Variants in ADAMTSL1 observed in about 807,000 individuals in gnomAD.
ADAMTSL1 encodes the protein ADAMTS like 1.
A neutral mutation model predicts 201.8 loss-of-function variants in ADAMTSL1; 126 were observed. The ratio of observed to expected loss-of-function variants is 0.62; its 90% CI spans 0.54 to 0.72. ADAMTSL1 has a LOEUF of 0.72. Among genes scored for constraint, ADAMTSL1 ranks in the 30% least tolerant of loss-of-function variants. The pLI, the probability that ADAMTSL1 is intolerant of heterozygous loss-of-function variation, is 0.00. For synonymous variants in ADAMTSL1, 1,121 were observed against 903.4 expected, an observed-to-expected ratio of 1.24 and a Z score of -4.32; for missense variants, 2,679 against 2,277.8, an observed-to-expected ratio of 1.18 and a Z score of -3.59.
At chr9:18,819,542 G>A (rs1264957120) in intron 21 of ADAMTSL1, among the ~76,000 whole-genome samples, 1 of 151,992 alleles carries the variant, frequency 6.6e-6, no homozygotes, top group Non-Finnish European at 1.5e-5. Context: ...GAATCTGGTT[G>A]AGGAAGTATT....
Position 18,125,661 on chromosome 9 carries a change from C to A in ADAMTSL1, c.88-38201C>A, listed in dbSNP as rs371246692. Among the ~76,000 whole-genome samples the A allele has an allele frequency of 1.1e-4, 17 of 152,260 alleles. 1 individual carries two copies. The South Asian group carries it at 3.5e-3, about 32-fold the overall frequency. ...CATGTGGACCTCTAGTTGTCCCAAC[C>A]GACTTTGTTGAAGAAACTATTCTTT... is the stretch of plus-strand genomic sequence containing the variant. On this transcript the variant is annotated intron_variant, in intron 1 of 29. Transcript: ENST00000680146.
chr9:18,584,221 C>T (rs1823314774), intron 4 of ADAMTSL1, among the ~76,000 whole-genome samples: 1 of 152,124 alleles, frequency 6.6e-6, no homozygotes, highest in Non-Finnish European at 1.5e-5. Context: ...ATTATGGGTG[C>T]AGGTCTTTCC....
chr9:18,830,730 G>T (rs77262631), intron 23 of ADAMTSL1, among the ~76,000 whole-genome samples: 28 of 151,752 alleles, frequency 1.8e-4, no homozygotes, highest in South Asian at 1.0e-3. Context: ...AAGGCCTGGT[G>T]GGGGGGTGGG....
intron 2 of ADAMTSL1, among the ~76,000 whole-genome samples, chr9:18,348,088 C>G (rs978646355): frequency 2.6e-5 from 4 of 152,188 alleles, no homozygotes; most frequent in Non-Finnish European, 5.9e-5. Flanking sequence ...TTAGTTTAAT[C>G]TCTCGCCAAT....
chr9:18,159,578 C>T (rs926034624), intron 1 of ADAMTSL1, among the ~76,000 whole-genome samples: 5 of 151,970 alleles, frequency 3.3e-5, no homozygotes, highest in African/African-American at 1.2e-4. Flanking sequence ...TTAATGATGG[C>T]AGAGGTTCCA....
At chr9:18,039,712 C>G (rs1415048900) in intron 1 of ADAMTSL1, among the ~76,000 whole-genome samples, 1 of 152,094 alleles carries the variant, frequency 6.6e-6, no homozygotes, top group Non-Finnish European at 1.5e-5. Flanking sequence ...GGCAAAAAAC[C>G]AAGCATGCCT....
At chr9:18,360,195 C>T (rs1487814444) in intron 2 of ADAMTSL1, among the ~76,000 whole-genome samples, 3 of 152,044 alleles carry the variant, frequency 2.0e-5, no homozygotes, top group Non-Finnish European at 4.4e-5. Flanking sequence ...CAAGCAGCTG[C>T]CTCTGTCTCT....
intron 1 of ADAMTSL1, among the ~76,000 whole-genome samples, chr9:17,965,760 C>G (rs1817958372): frequency 1.3e-5 from 2 of 152,074 alleles, no homozygotes; most frequent in South Asian, 4.2e-4. Flanking sequence ...AAGTACCCAT[C>G]CAAGTAAGTG....
intron 26 of ADAMTSL1, among the ~76,000 whole-genome samples, chr9:18,895,207 T>G (rs1478030010): frequency 6.6e-6 from 1 of 152,158 alleles, no homozygotes; most frequent in African/African-American, 2.4e-5. Flanking sequence ...GAATTCCCAG[T>G]GTAGTCAAGG....
intron 1 of ADAMTSL1, among the ~76,000 whole-genome samples, chr9:17,956,932 A>T (rs534656326): frequency 1.3e-5 from 2 of 152,224 alleles, no homozygotes; most frequent in South Asian, 4.1e-4. Flanking sequence ...TTCTTTCCTC[A>T]TTAGCTTGCA....
chr9:18,627,502 G>T (rs1348488908), intron 5 of ADAMTSL1, among the ~76,000 whole-genome samples: 1 of 152,110 alleles, frequency 6.6e-6, no homozygotes, highest in Non-Finnish European at 1.5e-5. Flanking sequence ...GGTTTCACTG[G>T]GCTAAAAACA....
chr9:18,272,027 GTT>G, intron 2 of ADAMTSL1, among the ~76,000 whole-genome samples: 1 of 150,878 alleles, frequency 6.6e-6, no homozygotes, highest in East Asian at 1.9e-4. Flanking sequence ...GGGGTTGTTT[GTT>G]TTTTTCTTGT....
rs1018167614 is a variant in ADAMTSL1 at position 18,826,426 on chromosome 9, T to C, written c.4077T>C (p.His1359=). Reference sequence around the variant, plus strand: ...ACTCCTGCAGGGCGGCCAATCTTCATGGAGAGCTGACTGAGAGCACCCAGC... The same window carrying C: ...ACTCCTGCAGGGCGGCCAATCTTCACGGAGAGCTGACTGAGAGCACCCAGC... The part of the protein sequence containing the change: ...GLYSCRAANL[H]GELTESTQLL... Residue 1359 remains histidine, a synonymous_variant, in exon 22 of 29, where the codon CAT becomes CAC. Coordinates refer to ENST00000380548, the MANE Select transcript of ADAMTSL1 (RefSeq NM_001040272.6). The C allele has an allele frequency of 6.2e-7, 1 of 1,613,822 alleles. No homozygotes were observed. The highest frequency in any genetic ancestry group is 8.5e-7 in the Non-Finnish European group (1 of 1,179,838).
rs796210987 is a variant in ADAMTSL1, at chr9:18,186,913, G to A, written c.207+22932G>A. Among the ~76,000 whole-genome samples the A allele has an allele frequency of 3.3e-5, 5 of 151,972 alleles. No individual in the cohort carries two copies. In the South Asian group the frequency reaches 1.0e-3, roughly 32 times the overall value. ...TATATATTATTGACGATAAGGATGG[G>A]TTTGTCCAGTACCCCATAACTGGTA... On this transcript the variant is annotated intron_variant, in intron 2 of 29. Coordinates refer to the ADAMTSL1 transcript ENST00000680146.
At chr9:18,073,459 T>C (rs1044799431) in intron 1 of ADAMTSL1, among the ~76,000 whole-genome samples, 1 of 152,196 alleles carries the variant, frequency 6.6e-6, no homozygotes, top group Non-Finnish European at 1.5e-5. Context: ...TTTTCATGTG[T>C]ACTTTACACA....
intron 2 of ADAMTSL1, among the ~76,000 whole-genome samples, chr9:18,395,581 T>C (rs1817721025): frequency 6.6e-6 from 1 of 152,154 alleles, no homozygotes; most frequent in South Asian, 2.1e-4. Context: ...ATTCAATGAA[T>C]GAATGGTTGG....
intron 14 of ADAMTSL1, chr9:18,717,989 G>A (rs565728983): frequency 7.6e-4 from 1,210 of 1,589,822 alleles, no homozygotes; most frequent in Non-Finnish European, 9.7e-4. Flanking sequence ...CAGCTGACAT[G>A]ATGACTTTTT....
intron 2 of ADAMTSL1, among the ~76,000 whole-genome samples, chr9:18,420,860 G>A (rs1310382133): frequency 6.6e-6 from 1 of 152,164 alleles, no homozygotes; most frequent in Non-Finnish European, 1.5e-5. Flanking sequence ...ACTCTGAATG[G>A]TAATGGGTGC....
chr9:18,054,497 G>T (rs1822082790), intron 1 of ADAMTSL1, among the ~76,000 whole-genome samples: 2 of 152,220 alleles, frequency 1.3e-5, no homozygotes, highest in South Asian at 4.1e-4. Flanking sequence ...ATATAGGTCT[G>T]TATGTGTGTT....
Sources: gnomAD v4.1 joint callset for allele counts (sites outside exome capture counted in the v4.1 genomes callset) on GRCh38, gnomAD v4.1.1 for gene constraint, MANE v1.5 for transcripts, NCBI Gene and HGNC (gene_info 2026-07-23, HGNC 2026-07-21) for gene names.